The following LPCAT2 variants were observed in gnomAD, a reference collection of about 807,000 sequenced individuals.
The protein encoded by LPCAT2 is 1-AGP acyltransferase 11.
Under a neutral mutation model 64.7 loss-of-function variants are expected in LPCAT2, and 58 were observed. The ratio of observed to expected loss-of-function variants is 0.90; its 90% CI spans 0.73 to 1.12. The LOEUF (loss-of-function observed/expected upper bound fraction) is 1.12, where lower values mean the gene tolerates loss of function less well. Among genes scored for constraint, LPCAT2 ranks in the 50% most tolerant of loss-of-function variants. The pLI is 0.00. For missense variants in LPCAT2, 579 were observed against 669.8 expected, an observed-to-expected ratio of 0.86 and a Z score of 1.50; for synonymous variants, 252 against 245.3, an observed-to-expected ratio of 1.03 and a Z score of -0.26.
intron 10 of LPCAT2, 108 bp downstream of exon 10, chr16:55,549,510 G>T: frequency 3.7e-6 from 4 of 1,089,338 alleles, no homozygotes; most frequent in South Asian, 1.8e-5. Context: ...GTTCCCATTT[G>T]GTGTATATTA....
rs142090669 is a variant in LPCAT2 at position 55,579,140 on chromosome 16, C to T, written c.1346C>T (p.Thr449Met). 4,618 of 1,613,266 alleles carry T rather than the reference C, an allele frequency of 2.9e-3. 46 individuals carry two copies. Among genetic ancestry groups the T allele is most frequent in the South Asian group, 0.022 (1,983 of 91,024 alleles). ...GACGTTGATGAGGATGGCTACATAA[C>T]GGAGGAAGAGTTCTCCACCATTCTA... ...LFDVDEDGYI[T>M]EEEFSTILQA... Residue 449 changes from threonine (T) to methionine (M), a missense_variant, in exon 13 of 14, where the codon ACG becomes ATG. Physicochemically the swap from Thr to Met is moderately conservative, Grantham distance 81. Coordinates refer to ENST00000262134, the MANE Select transcript of LPCAT2 (RefSeq NM_017839.5).
intron 11 of LPCAT2, among the ~76,000 whole-genome samples, chr16:55,558,459 AT>A: frequency 6.6e-6 from 1 of 152,136 alleles, no homozygotes; most frequent in African/African-American, 2.4e-5. Context: ...TAAGCACATA[AT>A]TTTTTTTGCA....
chr16:55,513,200 A>T (rs1215766570), intron 1 of LPCAT2, among the ~76,000 whole-genome samples: 1 of 152,246 alleles, frequency 6.6e-6, no homozygotes, highest in Admixed American at 6.5e-5. Context: ...CTATTATAAA[A>T]ATGCTCAAGG....
chr16:55,542,267 T>C (rs1963407307), intron 8 of LPCAT2, among the ~76,000 whole-genome samples: 1 of 152,138 alleles, frequency 6.6e-6, no homozygotes, highest in South Asian at 2.1e-4. Context: ...CTGAGAAACA[T>C]GTCGCTTAGT....
intron 5 of LPCAT2, 166 bp downstream of exon 5, chr16:55,532,140 C>T: frequency 1.7e-6 from 1 of 572,522 alleles, no homozygotes; most frequent in South Asian, 2.1e-5. Flanking sequence ...GCTTTGCTTT[C>T]TCTTTTGGGG....
chr16:55,542,113 G>A, intron 8 of LPCAT2: 1 of 461,964 alleles, frequency 2.2e-6, no homozygotes, highest in South Asian at 2.7e-5. Context: ...TAGCTTTAGT[G>A]ATACTGAGAA....
intron 1 of LPCAT2, among the ~76,000 whole-genome samples, chr16:55,522,626 G>A (rs1333780463): frequency 6.6e-6 from 1 of 151,642 alleles, no homozygotes; most frequent in African/African-American, 2.4e-5. Flanking sequence ...ATTGACAGAA[G>A]TATAGATCAA....
chr16:55,524,613 G>A (rs1314898750), intron 1 of LPCAT2, among the ~76,000 whole-genome samples: 6 of 151,856 alleles, frequency 4.0e-5, no homozygotes, highest in Admixed American at 3.3e-4. Flanking sequence ...TTATTTGATG[G>A]TGCTCAGAAT....
At chr16:55,515,242 A>T (rs1447761869) in intron 1 of LPCAT2, among the ~76,000 whole-genome samples, 1 of 113,786 alleles carries the variant, frequency 8.8e-6, no homozygotes, top group African/African-American at 2.8e-5. Context: ...AAAGATACCT[A>T]TATATAGTTA....
chr16:55,525,357 G>T, intron 1 of LPCAT2, 151 bp from the exon 2 acceptor site: 2 of 538,900 alleles, frequency 3.7e-6, no homozygotes, highest in Non-Finnish European at 6.3e-6. Context: ...TTTTCTTTGT[G>T]CTTAAATCCT....
chr16:55,529,406 T>G (rs1189519622), intron 3 of LPCAT2, among the ~76,000 whole-genome samples: 3 of 152,204 alleles, frequency 2.0e-5, no homozygotes, highest in African/African-American at 7.2e-5. Context: ...ATTTTTCGTG[T>G]GTTAGGAAGC....
chr16:55,545,529 T>A (rs1963443052), intron 8 of LPCAT2: 1 of 411,186 alleles, frequency 2.4e-6, no homozygotes, highest in Non-Finnish European at 4.4e-6. Context: ...TCATCAAAGT[T>A]AAATGACATA....
At chr16:55,563,997 C>T (rs1310378191) in intron 11 of LPCAT2, among the ~76,000 whole-genome samples, 1 of 151,772 alleles carries the variant, frequency 6.6e-6, no homozygotes, top group African/African-American at 2.4e-5. Flanking sequence ...AATTAAGGGA[C>T]TTAGCAATGT....
intron 2 of LPCAT2, among the ~76,000 whole-genome samples, chr16:55,527,614 G>A (rs981892051): frequency 2.6e-5 from 4 of 151,386 alleles, no homozygotes; most frequent in Non-Finnish European, 4.4e-5. Context: ...ATACATTTTT[G>A]TTTCCCTACT....
At chr16:55,560,774 C>A (rs1365146036) in intron 11 of LPCAT2, among the ~76,000 whole-genome samples, 1 of 151,926 alleles carries the variant, frequency 6.6e-6, no homozygotes, top group African/African-American at 2.4e-5. Flanking sequence ...GTTTGGTATT[C>A]TTTTTTACTA....
At chr16:55,524,853 A>G (rs1472129441) in intron 1 of LPCAT2, among the ~76,000 whole-genome samples, 2 of 152,210 alleles carry the variant, frequency 1.3e-5, no homozygotes, top group East Asian at 1.9e-4. Flanking sequence ...CCTTTCTGGT[A>G]TGTAAAACTT....
intron 12 of LPCAT2, among the ~76,000 whole-genome samples, chr16:55,577,031 C>T (rs1385088585): frequency 6.6e-6 from 1 of 152,166 alleles, no homozygotes. Context: ...AAGCTTAGAG[C>T]TTGTGAGGAG....
At chr16:55,560,305 C>A (rs1194162378) in intron 11 of LPCAT2, among the ~76,000 whole-genome samples, 2 of 152,060 alleles carry the variant, frequency 1.3e-5, no homozygotes, top group African/African-American at 2.4e-5. Context: ...TGGTCCAGAT[C>A]ATATTGCAGT....
intron 3 of LPCAT2, 87 bp from the exon 4 acceptor site, chr16:55,529,748 C>T: frequency 2.1e-6 from 1 of 484,524 alleles, no homozygotes; most frequent in Non-Finnish European, 3.6e-6. Context: ...TTAAATTTTC[C>T]ATACAATATG....
Sources: allele counts gnomAD v4.1 joint callset (sites outside exome capture counted in the v4.1 genomes callset), GRCh38; gene constraint gnomAD v4.1.1; transcripts MANE v1.5; gene names NCBI Gene and HGNC (gene_info 2026-07-23, HGNC 2026-07-21).